ATXN2: variants seen among roughly 807,000 people sequenced by gnomAD.
The protein encoded by ATXN2 is ataxin 2.
ATXN2 carries 37 observed loss-of-function variants against 138.6 expected under a neutral mutation model. The ratio of observed to expected loss-of-function variants is 0.27; its 90% CI spans 0.21 to 0.35. ATXN2 has a LOEUF of 0.35. Ranked by LOEUF, ATXN2 falls within the 10% of genes least tolerant of loss-of-function variation. The pLI, the probability that ATXN2 is intolerant of heterozygous loss-of-function variation, is 1.00. For missense variants in ATXN2, 1,216 were observed against 1,480.3 expected, an observed-to-expected ratio of 0.82 and a Z score of 2.93; for synonymous variants, 549 against 543.7, an observed-to-expected ratio of 1.01 and a Z score of -0.13.
intron 5 of ATXN2, among the ~76,000 whole-genome samples, chr12:111,534,311 G>C (rs1265062906): frequency 6.6e-6 from 1 of 151,956 alleles, no homozygotes; most frequent in Non-Finnish European, 1.5e-5. Flanking sequence ...TGAGGTGGGA[G>C]AATCACTTGA....
In ATXN2 at chr12:111,598,968, GCT is replaced by G. The variant is rs1491589324; in HGVS notation, c.65_66del (p.Gln22ProfsTer67). On this transcript the variant is annotated frameshift_variant, in exon 1 of 25. Transcript: ENST00000673436. LOFTEE classifies it high-confidence loss of function. This position sits in a 1 kb window ranked among gnomAD's most constrained non-coding sequence, Gnocchi z 4.5. ...QQQQQQQQQQQQQQQQQPPPA... is the reference protein window; with the variant it reads ...QQQQQQQQQQXQQQQQQPPPA... ...GGCGGCGGCTGCTGCTGCTGCTGCT[GCT>G]GCTGCTGTTGCTGCTGCTGCTGCTG... 2 of 1,502,270 alleles carry G rather than the reference GCT, an allele frequency of 1.3e-6. No homozygotes were observed. The highest frequency in any genetic ancestry group is 2.9e-5 in the African/African-American group (2 of 68,244). The allele number at this position is 1,502,270 out of a possible 1,614,324, so 93.1% of individuals were successfully genotyped here. A position where few individuals can be genotyped will look rare whatever the true frequency, so the allele number is the denominator to read the frequency against.
chr12:111,483,188 AACACATACACACACACACAC>A lies in ATXN2; in HGVS notation c.2524+2057_2524+2076del, dbSNP rs199939893. Among the ~76,000 whole-genome samples the A allele has an allele frequency of 1.2e-3, 148 of 119,010 alleles. 3 individuals are homozygous for A. In the East Asian group the frequency reaches 0.02, roughly 16 times the overall value. The allele number at this position is 119,010 out of a possible 152,430, so 78.1% of individuals were successfully genotyped here. ...AGCAGCAAAGCAAGACCCTGTATCA[AACACATACACACACACACAC>A]ACACACACACACACACACACACACA... On this transcript the variant is annotated intron_variant, in intron 18 of 24. Transcript: ENST00000673436.
chr12:111,547,754 T>C (rs1258364420), intron 5 of ATXN2, among the ~76,000 whole-genome samples: 1 of 133,028 alleles, frequency 7.5e-6, no homozygotes, highest in Non-Finnish European at 1.6e-5. Flanking sequence ...AAAAAAGGTT[T>C]CCCCAAAAAT....
At chr12:111,490,081 G>A (rs534837160) in intron 14 of ATXN2, among the ~76,000 whole-genome samples, 37 of 151,708 alleles carry the variant, frequency 2.4e-4, no homozygotes, top group Non-Finnish European at 4.0e-4. Context: ...GATGGCACAC[G>A]TGTAAATCCC....
intron 1 of ATXN2, among the ~76,000 whole-genome samples, chr12:111,589,304 G>A (rs1337508573): frequency 6.6e-6 from 1 of 151,332 alleles, no homozygotes; most frequent in Non-Finnish European, 1.5e-5. Context: ...GACAGGGTAA[G>A]ATCCTGCAAC....
chr12:111,491,456 CT>C (rs1420982597), intron 14 of ATXN2, among the ~76,000 whole-genome samples: 2 of 152,060 alleles, frequency 1.3e-5, no homozygotes, highest in Non-Finnish European at 2.9e-5. Flanking sequence ...CAAGGGAGTG[CT>C]TGTGCCAGCC....
intron 6 of ATXN2, among the ~76,000 whole-genome samples, chr12:111,522,326 T>C (rs1880211322): frequency 6.6e-6 from 1 of 152,008 alleles, no homozygotes; most frequent in Admixed American, 6.6e-5. Context: ...TATTAAGAGT[T>C]CTGGCCGGGC....
chr12:111,529,454 T>G (rs148573064), intron 5 of ATXN2, among the ~76,000 whole-genome samples: 146 of 152,320 alleles, frequency 9.6e-4, no homozygotes, highest in African/African-American at 3.1e-3. Flanking sequence ...AGTTTTTCAA[T>G]TTATAAAAGC....
At chr12:111,577,368 C>T (rs1053777630) in intron 1 of ATXN2, among the ~76,000 whole-genome samples, 16 of 152,056 alleles carry the variant, frequency 1.1e-4, no homozygotes, top group African/African-American at 3.6e-4. Context: ...CGGGTTCACG[C>T]CATTCTCCTG....
intron 1 of ATXN2, among the ~76,000 whole-genome samples, chr12:111,594,870 T>G (rs1236619376): frequency 1.3e-5 from 2 of 152,202 alleles, no homozygotes; most frequent in Admixed American, 6.6e-5. Flanking sequence ...TCCTGCACTT[T>G]ACTCAGTACT....
Position 111,470,650 on chromosome 12 carries a change from G to C in ATXN2, c.2617C>G (p.Pro873Ala), listed in dbSNP as rs965172393. 6.2e-7 allele frequency: 1 copy of C among 1,614,156 alleles called. No individual in the cohort carries two copies. Among genetic ancestry groups the C allele is most frequent in the Non-Finnish European group, 8.5e-7 (1 of 1,180,038 alleles). ...SAAGPPIAAT[P>A]PAYSTQYVAY... ...ACATATTGCGTGGAGTAAGCTGGTG[G>C]GGTGGCTGCAATCGGTGGGCCCGCT... Residue 873 changes from proline to alanine, a missense_variant, in exon 19 of 25, where the codon CCA becomes GCA. Physicochemically the swap from Pro to Ala is conservative, Grantham distance 27. Around this residue, in one of 4 missense-constraint regions of ATXN2, gnomAD observed 490 missense variants for 653.5 expected, o/e 0.75. Coordinates refer to ENST00000673436, the MANE Select transcript of ATXN2 (RefSeq NM_001372574.1).
At chr12:111,541,695 G>GA (rs1331612995) in intron 5 of ATXN2, among the ~76,000 whole-genome samples, 1 of 148,320 alleles carries the variant, frequency 6.7e-6, no homozygotes, top group Admixed American at 6.8e-5. Context: ...GACTCTTGTG[G>GA]AAAAAAATTT....
At chr12:111,484,199 T>C (rs951366635) in intron 18 of ATXN2, among the ~76,000 whole-genome samples, 1 of 152,088 alleles carries the variant, frequency 6.6e-6, no homozygotes, top group Non-Finnish European at 1.5e-5. Context: ...AGGTTAGCAA[T>C]CTAGTAAATT....
At chr12:111,562,447 G>A (rs1882742090) in intron 1 of ATXN2, among the ~76,000 whole-genome samples, 1 of 151,892 alleles carries the variant, frequency 6.6e-6, no homozygotes, top group Non-Finnish European at 1.5e-5. Context: ...AAGGCCTGGT[G>A]TGGCAGCTCA....
At position 111,520,990 on chromosome 12, in the gene ATXN2, C is replaced by T. The variant is rs866344640; in HGVS notation, c.697-17G>A. 1.3e-6 allele frequency: 2 copies of T among 1,489,106 alleles called. No homozygotes were observed. Among genetic ancestry groups the T allele is most frequent in the Middle Eastern group, 1.7e-4 (1 of 5,788 alleles). The allele number at this position is 1,489,106 out of a possible 1,614,324, so 92.2% of individuals were successfully genotyped here. A position where few individuals can be genotyped will look rare whatever the true frequency, so the allele number is the denominator to read the frequency against. ...TCCATTAGACTAGAAGAAAATGAAGCTTGTTTTTCAAAATGTCAAAGTAGT... is the reference window on the plus strand; with the variant it reads ...TCCATTAGACTAGAAGAAAATGAAGTTTGTTTTTCAAAATGTCAAAGTAGT... On this transcript the variant is annotated splice_polypyrimidine_tract_variant and intron_variant, in intron 6 of 24. Transcript: ENST00000673436.
At chr12:111,551,970 T>C (rs1392446796) in intron 5 of ATXN2, among the ~76,000 whole-genome samples, 1 of 151,970 alleles carries the variant, frequency 6.6e-6, no homozygotes, top group Non-Finnish European at 1.5e-5. Context: ...AACCTCTGCC[T>C]CCTGGGTTCA....
chr12:111,528,015 T>C (rs1235580487), intron 5 of ATXN2, among the ~76,000 whole-genome samples: 2 of 152,148 alleles, frequency 1.3e-5, no homozygotes, highest in Non-Finnish European at 2.9e-5. Context: ...GACAAAAAAC[T>C]ACACTATAGG....
intron 5 of ATXN2, among the ~76,000 whole-genome samples, chr12:111,536,541 A>G (rs1258647477): frequency 1.3e-5 from 2 of 152,162 alleles, no homozygotes; most frequent in Non-Finnish European, 2.9e-5. Context: ...ACAGCTATGT[A>G]GGATTGTAAA....
chr12:111,530,303 A>G (rs1471146647), intron 5 of ATXN2, among the ~76,000 whole-genome samples: 2 of 152,212 alleles, frequency 1.3e-5, no homozygotes, highest in African/African-American at 2.4e-5. Flanking sequence ...CCTGGGTGTA[A>G]GAGACTAGTT....
Sources: gnomAD v4.1 joint callset for allele counts (sites outside exome capture counted in the v4.1 genomes callset) on GRCh38, gnomAD v4.1.1 for gene constraint, gnomAD v4.1.1 regional missense constraint, Gnocchi (gnomAD v3.1) non-coding constraint, MANE v1.5 for transcripts, NCBI Gene and HGNC (gene_info 2026-07-23, HGNC 2026-07-21) for gene names.